The following SMIM35 variants were observed in gnomAD, a reference collection of about 807,000 sequenced individuals.
The protein encoded by SMIM35 is small integral membrane protein 35, also known as TMPRSS4 antisense RNA 1 (non-protein coding).
chr11:118,034,219 T>C (rs1644809233), intron 1 of SMIM35, among the ~76,000 whole-genome samples: 1 of 151,988 alleles, frequency 6.6e-6, no homozygotes, highest in African/African-American at 2.4e-5. Context: ...GTTGCAGTGA[T>C]CTGAGATCGT....
At chr11:118,030,878 G>T (rs2058313454) in intron 1 of SMIM35, among the ~76,000 whole-genome samples, 1 of 152,044 alleles carries the variant, frequency 6.6e-6, no homozygotes, top group Non-Finnish European at 1.5e-5. Context: ...TGGAGTCAGA[G>T]CCCAACAGGG....
chr11:118,083,469 G>A (rs1216084646), intron 1 of SMIM35, among the ~76,000 whole-genome samples: 2 of 152,134 alleles, frequency 1.3e-5, no homozygotes, highest in African/African-American at 4.8e-5. Context: ...CGGGGCCCAT[G>A]AAATCATAAA....
At chr11:118,053,534 C>A (rs1300942251) in intron 1 of SMIM35, among the ~76,000 whole-genome samples, 2 of 152,188 alleles carry the variant, frequency 1.3e-5, no homozygotes, top group Non-Finnish European at 2.9e-5. Context: ...TTATTCAACT[C>A]CTCCAAACAG....
chr11:118,030,774 G>T (rs1034952616), intron 1 of SMIM35, among the ~76,000 whole-genome samples: 2 of 152,092 alleles, frequency 1.3e-5, no homozygotes, highest in African/African-American at 2.4e-5. Flanking sequence ...GATGAGGAGG[G>T]TTCTAGGTGG....
chr11:118,042,172 A>T (rs1459225331), intron 1 of SMIM35, among the ~76,000 whole-genome samples: 1 of 151,888 alleles, frequency 6.6e-6, no homozygotes, highest in Non-Finnish European at 1.5e-5. Context: ...AATAGAGAAC[A>T]CTAACAAACA....
intron 1 of SMIM35, among the ~76,000 whole-genome samples, chr11:118,036,382 T>C (rs769771468): frequency 1.9e-4 from 29 of 152,268 alleles, no homozygotes; most frequent in Non-Finnish European, 3.2e-4. Flanking sequence ...GTTTTGTTTA[T>C]AATAAAAATA....
At chr11:118,030,039 AC>A (rs1363807432) in intron 1 of SMIM35, among the ~76,000 whole-genome samples, 1 of 151,074 alleles carries the variant, frequency 6.6e-6, no homozygotes, top group Non-Finnish European at 1.5e-5. Flanking sequence ...GGGGGATATA[AC>A]TTTTTTTTTT....
At chr11:118,079,461 G>A (rs1944960295) in intron 1 of SMIM35, among the ~76,000 whole-genome samples, 1 of 152,186 alleles carries the variant, frequency 6.6e-6, no homozygotes, top group African/African-American at 2.4e-5. Flanking sequence ...CCAGGCAGAG[G>A]TCAGAGCCCA....
At chr11:118,077,920 G>A (rs1359732903) in intron 1 of SMIM35, among the ~76,000 whole-genome samples, 2 of 150,716 alleles carry the variant, frequency 1.3e-5, no homozygotes, top group African/African-American at 2.4e-5. Context: ...GGCTGAGGCA[G>A]GAGAATCGCT....
rs943949131 is a variant in SMIM35 at position 118,004,563 on chromosome 11, C to G, written c.*1847G>C. ...CAAGAAAAGGTCTTTCAGCAATTGG[C>G]AAGGCTGGCCTGGATCTGTGAGGCT... is the stretch of plus-strand genomic sequence containing the variant. On this transcript the variant is annotated 3_prime_UTR_variant, in exon 5 of 5. Coordinates refer to ENST00000689828, the MANE Select transcript of SMIM35 (RefSeq NM_001394165.1). The G allele has an allele frequency of 6.6e-6, 1 of 152,308 alleles. No individual in the cohort carries two copies. Among genetic ancestry groups the G allele is most frequent in the African/African-American group, 2.4e-5 (1 of 41,456 alleles). 9.4% of individuals were successfully genotyped at this position (152,308 alleles called of 1,614,324 possible).
In SMIM35 at chr11:118,014,709, G is replaced by A. The variant is rs1056800367; in HGVS notation, c.157C>T (p.Arg53Trp). 4.5e-5 allele frequency: 18 copies of A among 398,658 alleles called. No individual in the cohort carries two copies. Among genetic ancestry groups the A allele is most frequent in the African/African-American group, 8.2e-5 (4 of 48,496 alleles). 24.7% of individuals were successfully genotyped at this position (398,658 alleles called of 1,614,324 possible). The change falls in exon 3 of 5, where the codon CGG becomes TGG. Residue 53 changes from arginine (R) to tryptophan (W), a missense_variant and splice_region_variant. Arg to Trp is a moderately radical substitution (Grantham distance 101, BLOSUM62 -3). Transcript: ENST00000689828. ...CAGATATTCCCTGAATTTACTCACC[G>A]GATTTGATATAAGTTGAAGACAAAA... ...PNFVFNLYQI[R>W]NLKDLEMGPP...
intron 1 of SMIM35, among the ~76,000 whole-genome samples, chr11:118,055,444 C>A (rs767959376): frequency 3.3e-5 from 5 of 152,206 alleles, no homozygotes; most frequent in Non-Finnish European, 7.3e-5. Context: ...ACCACCCCGG[C>A]CCTGCCACCT....
Position 118,005,557 on chromosome 11 carries a change from C to T in SMIM35, c.*853G>A, listed in dbSNP as rs771696910. ...CATGATTCCCCTGACACTCCTTCCT[C>T]CCCTAGTCTTCCCCACCTGATAAAT... On this transcript the variant is annotated 3_prime_UTR_variant, in exon 5 of 5. Coordinates refer to ENST00000689828, the MANE Select transcript of SMIM35 (RefSeq NM_001394165.1). 1 of 152,326 alleles carries T rather than the reference C, an allele frequency of 6.6e-6. No individual in the cohort carries two copies. The highest frequency in any genetic ancestry group is 1.5e-5 in the Non-Finnish European group (1 of 68,100). The allele number at this position is 152,326 out of a possible 1,614,324, so 9.4% of individuals were successfully genotyped here. A position where few individuals can be genotyped will look rare whatever the true frequency, so the allele number is the denominator to read the frequency against.
At chr11:118,063,546 G>A (rs1944424433) in intron 1 of SMIM35, among the ~76,000 whole-genome samples, 1 of 152,132 alleles carries the variant, frequency 6.6e-6, no homozygotes, top group Non-Finnish European at 1.5e-5. Flanking sequence ...GTCTTTTTGT[G>A]TGCTAATGAG....
At chr11:118,077,451 A>G in intron 1 of SMIM35, 1 of 970,386 alleles carries the variant, frequency 1.0e-6, no homozygotes, top group Non-Finnish European at 1.5e-6. Flanking sequence ...ATCCCCTCAC[A>G]CCCCAGCCCG....
chr11:118,027,643 CA>C (rs1216934978), intron 1 of SMIM35, among the ~76,000 whole-genome samples: 1 of 152,210 alleles, frequency 6.6e-6, no homozygotes, highest in Non-Finnish European at 1.5e-5. Flanking sequence ...TTTATGTTAG[CA>C]GTTAGATAAC....
chr11:118,071,065 G>A (rs184186114), intron 1 of SMIM35, among the ~76,000 whole-genome samples: 1 of 152,358 alleles, frequency 6.6e-6, no homozygotes, highest in East Asian at 1.9e-4. Context: ...ACAGGCAAAA[G>A]AGCCTGGCAC....
intron 3 of SMIM35, among the ~76,000 whole-genome samples, chr11:118,014,442 A>G (rs987018160): frequency 6.6e-6 from 1 of 151,674 alleles, no homozygotes; most frequent in African/African-American, 2.4e-5. Context: ...GAATGGATGG[A>G]TGGATGGGTG....
chr11:118,024,325 C>T (rs1565382846), intron 1 of SMIM35, among the ~76,000 whole-genome samples: 1 of 152,124 alleles, frequency 6.6e-6, no homozygotes. Context: ...TCCTTTCAAC[C>T]GACCCTCCGT....
Sources: gnomAD v4.1 joint callset for allele counts (sites outside exome capture counted in the v4.1 genomes callset) on GRCh38, gnomAD v4.1.1 for gene constraint, MANE v1.5 for transcripts, NCBI Gene and HGNC (gene_info 2026-07-23, HGNC 2026-07-21) for gene names.